WNK1: variants seen among roughly 807,000 people sequenced by gnomAD.
The protein encoded by WNK1 is WNK lysine deficient protein kinase 1.
WNK1 carries 38 observed loss-of-function variants against 222.8 expected under a neutral mutation model. The observed-to-expected ratio is 0.17, with a 90% confidence interval of 0.13 to 0.22. WNK1 has a LOEUF of 0.22. WNK1 is among the 10% of genes least tolerant of loss of function. WNK1 has a pLI of 1.00. For missense variants in WNK1, 2,348 were observed against 2,918.4 expected, an observed-to-expected ratio of 0.80 and a Z score of 4.50; for synonymous variants, 1,090 against 1,092.9, an observed-to-expected ratio of 1.00 and a Z score of 0.05.
intron 19 of WNK1, among the ~76,000 whole-genome samples, chr12:886,561 ATAATC>A (rs1037955140): frequency 2.7e-5 from 4 of 147,794 alleles, no homozygotes; most frequent in Non-Finnish European, 6.0e-5. Flanking sequence ...GGAGAAATAA[ATAATC>A]TAATCCTAGG....
At chr12:777,708 A>G in intron 1 of WNK1, among the ~76,000 whole-genome samples, 1 of 152,218 alleles carries the variant, frequency 6.6e-6, no homozygotes, top group East Asian at 1.9e-4. Context: ...TGAAATGACA[A>G]GTGGTAAATA....
chr12:770,223 C>T (rs886778656), intron 1 of WNK1, among the ~76,000 whole-genome samples: 2 of 152,184 alleles, frequency 1.3e-5, no homozygotes, highest in Non-Finnish European at 2.9e-5. Context: ...ATCCACCTGC[C>T]TCGGCCTCCC....
chr12:840,247 C>A (rs982508393), intron 4 of WNK1, among the ~76,000 whole-genome samples: 29 of 151,574 alleles, frequency 1.9e-4, no homozygotes, highest in African/African-American at 6.5e-4. Context: ...CTTGCCTCAG[C>A]CTTCTGAATC....
chr12:791,149 A>G (rs954769753), intron 1 of WNK1, among the ~76,000 whole-genome samples: 1 of 152,052 alleles, frequency 6.6e-6, no homozygotes, highest in Non-Finnish European at 1.5e-5. Flanking sequence ...ATAGTACCAC[A>G]ATATATAATA....
At chr12:858,693 A>G (rs923216529) in intron 5 of WNK1, among the ~76,000 whole-genome samples, 6 of 152,188 alleles carry the variant, frequency 3.9e-5, no homozygotes, top group African/African-American at 1.4e-4. Flanking sequence ...TCTAGTTTCT[A>G]TTTCAGCATT....
chr12:869,323 C>G (rs994290671), intron 8 of WNK1: 1 of 630,132 alleles, frequency 1.6e-6, no homozygotes, highest in Non-Finnish European at 2.8e-6. Context: ...TATGTGAAAA[C>G]CAGTGGAAAA....
In WNK1 at chr12:775,508, G is replaced by GAGA. The variant is rs1942986221; in HGVS notation, c.759+21185_759+21187dup. Among the ~76,000 whole-genome samples, 3 of 152,082 alleles carry GAGA rather than the reference G, an allele frequency of 2.0e-5. 1 individual carries two copies. In the South Asian group the frequency reaches 6.2e-4, roughly 31 times the overall value. The stretch of plus-strand genomic sequence containing the variant: ...GAGGATCACTTAAGGCCAAGAATTT[G>GAGA]AGACCAGCCTGAGCAACATAGCAAG... On this transcript the variant is annotated intron_variant, in intron 1 of 27. Coordinates refer to ENST00000315939, the MANE Select transcript of WNK1 (RefSeq NM_018979.4).
Position 884,769 on chromosome 12 carries a change from C to T in WNK1, c.3965C>T (p.Ala1322Val). 1 of 1,614,162 alleles carries T rather than the reference C, an allele frequency of 6.2e-7. No homozygotes were observed. The highest frequency in any genetic ancestry group is 8.5e-7 in the Non-Finnish European group (1 of 1,180,018). ...RAQMTEGPNT[A>V]PPNFSHTGPT... ...CAAATGACAGAAGGACCCAACACAGCACCTCCAAACTTTAGTCATACAGGA... is the reference window on the plus strand; with the variant it reads ...CAAATGACAGAAGGACCCAACACAGTACCTCCAAACTTTAGTCATACAGGA... Residue 1322 changes from alanine to valine, a missense_variant, in exon 19 of 28, where the codon GCA (alanine) becomes GTA (valine). By Grantham distance (64) the Ala-to-Val change is moderately conservative. Transcript: ENST00000315939. This position sits in a 1 kb window ranked among gnomAD's most constrained non-coding sequence, Gnocchi z 5.6.
intron 8 of WNK1, among the ~76,000 whole-genome samples, chr12:862,982 C>T (rs894014582): frequency 2.0e-5 from 3 of 152,172 alleles, no homozygotes. Context: ...ACATTAGACA[C>T]TCTTGTTTCT....
intron 1 of WNK1, among the ~76,000 whole-genome samples, chr12:810,948 C>T (rs1241037477): frequency 6.6e-6 from 1 of 152,100 alleles, no homozygotes; most frequent in Non-Finnish European, 1.5e-5. Flanking sequence ...TGGTTTTGCT[C>T]ATTTATCCTG....
At chr12:767,248 T>C (rs961095486) in intron 1 of WNK1, among the ~76,000 whole-genome samples, 27 of 60,824 alleles carry the variant, frequency 4.4e-4, no homozygotes, top group Non-Finnish European at 2.6e-4. Flanking sequence ...TTTTTTTTTT[T>C]TTTTTTTTTT....
intron 1 of WNK1, among the ~76,000 whole-genome samples, chr12:793,846 A>G (rs1047932393): frequency 6.6e-6 from 1 of 152,158 alleles, no homozygotes; most frequent in Admixed American, 6.5e-5. Context: ...TATATTCAGA[A>G]TTGTGCAACC....
chr12:893,692 G>A (rs1008888136), intron 22 of WNK1, among the ~76,000 whole-genome samples: 1 of 151,506 alleles, frequency 6.6e-6, no homozygotes, highest in Admixed American at 6.6e-5. Context: ...GTGTGGTGGT[G>A]GGCGCCTGTG....
intron 23 of WNK1, among the ~76,000 whole-genome samples, chr12:894,850 G>A (rs72650759): frequency 1.8e-4 from 27 of 152,088 alleles, no homozygotes; most frequent in African/African-American, 4.3e-4. Context: ...GTAGATAGTC[G>A]TACTATCTAT....
At chr12:889,085 A>G in intron 20 of WNK1, 55 bp from the exon 21 acceptor site, 1 of 1,419,190 alleles carries the variant, frequency 7.0e-7, no homozygotes, top group East Asian at 2.3e-5. Flanking sequence ...TTGGCTATAT[A>G]TCGTGACTCT....
chr12:811,007 T>A (rs1946854003), intron 1 of WNK1, among the ~76,000 whole-genome samples: 2 of 152,138 alleles, frequency 1.3e-5, no homozygotes, highest in South Asian at 4.1e-4. Flanking sequence ...ATGAATAGAA[T>A]GGGTTAGCTG....
intron 1 of WNK1, among the ~76,000 whole-genome samples, chr12:764,650 A>AC (rs900181180): frequency 1.4e-5 from 2 of 144,428 alleles, no homozygotes; most frequent in African/African-American, 4.9e-5. Flanking sequence ...AAAAAAAAAA[A>AC]AAAAGAAAGA....
chr12:908,928 T>C lies in WNK1; in HGVS notation c.*136T>C. On this transcript the variant is annotated 3_prime_UTR_variant, in exon 28 of 28. Transcript: ENST00000315939. Reference sequence around the variant, plus strand: ...TTATTTCTTGCCAGAGGGGAATGTTTTTAATACTGCATTGAGCCCTCAGAA... The same window carrying C: ...TTATTTCTTGCCAGAGGGGAATGTTCTTAATACTGCATTGAGCCCTCAGAA... The C allele has an allele frequency of 1.0e-6, 1 of 987,810 alleles. No individual in the cohort carries two copies. The highest frequency in any genetic ancestry group is 1.5e-6 in the Non-Finnish European group (1 of 655,516). The allele number at this position is 987,810 out of a possible 1,614,324, so 61.2% of individuals were successfully genotyped here.
At chr12:756,188 C>T (rs943116250) in intron 1 of WNK1, among the ~76,000 whole-genome samples, 61 of 152,178 alleles carry the variant, frequency 4.0e-4, no homozygotes, top group Non-Finnish European at 8.2e-4. Context: ...TTTTTTAAGA[C>T]TGGACCCAAT....
Sources: gnomAD v4.1 joint callset for allele counts (sites outside exome capture counted in the v4.1 genomes callset) on GRCh38, gnomAD v4.1.1 for gene constraint, Gnocchi (gnomAD v3.1) non-coding constraint, MANE v1.5 for transcripts, NCBI Gene and HGNC (gene_info 2026-07-23, HGNC 2026-07-21) for gene names.